The following UNC80 variants were observed in gnomAD, a reference collection of about 807,000 sequenced individuals.
UNC80 encodes protein unc-80 homolog.
Under a neutral mutation model 384.6 loss-of-function variants are expected in UNC80, and 164 were observed. The observed-to-expected ratio is 0.43, with a 90% CI of 0.38 to 0.49. The LOEUF (loss-of-function observed/expected upper bound fraction) is 0.49. Ranked by LOEUF, UNC80 falls within the 20% of genes least tolerant of loss-of-function variation. The pLI is 0.00. For synonymous variants in UNC80, 1,486 were observed against 1,527.8 expected, an observed-to-expected ratio of 0.97 and a Z score of 0.64; for missense variants, 3,330 against 4,143.0, an observed-to-expected ratio of 0.80 and a Z score of 5.39.
intron 42 of UNC80, among the ~76,000 whole-genome samples, chr2:209,939,115 T>G (rs1186890342): frequency 6.6e-6 from 1 of 152,176 alleles, no homozygotes; most frequent in Non-Finnish European, 1.5e-5. Flanking sequence ...TGGAACTGAC[T>G]GACTCACTGA....
At chr2:209,897,387 T>C (rs1322313638) in intron 28 of UNC80, among the ~76,000 whole-genome samples, 2 of 152,148 alleles carry the variant, frequency 1.3e-5, no homozygotes, top group African/African-American at 4.8e-5. Context: ...ACACCATAGA[T>C]TCATTTTGTC....
intron 13 of UNC80, among the ~76,000 whole-genome samples, chr2:209,824,200 A>G (rs754102418): frequency 6.6e-6 from 1 of 152,130 alleles, no homozygotes; most frequent in Admixed American, 6.6e-5. Flanking sequence ...TAGTCAACCT[A>G]TATACATACA....
chr2:209,936,626 G>GTATA (rs202071435), intron 40 of UNC80, among the ~76,000 whole-genome samples: 7 of 151,710 alleles, frequency 4.6e-5, no homozygotes, highest in Non-Finnish European at 7.4e-5. Context: ...TGGTATGTGT[G>GTATA]TATATATATG....
At chr2:209,816,419 T>A (rs1248336984) in intron 9 of UNC80, among the ~76,000 whole-genome samples, 9 of 152,304 alleles carry the variant, frequency 5.9e-5, no homozygotes, top group Non-Finnish European at 8.8e-5. Flanking sequence ...CATTTAAAGT[T>A]GGCTAACTGA....
intron 31 of UNC80, among the ~76,000 whole-genome samples, chr2:209,916,422 T>C (rs1415278201): frequency 1.3e-5 from 2 of 152,184 alleles, no homozygotes; most frequent in Non-Finnish European, 2.9e-5. Context: ...TACCATTGGA[T>C]CTGAGGATTC....
At chr2:209,923,427 A>G (rs908172305) in intron 35 of UNC80, among the ~76,000 whole-genome samples, 3 of 152,134 alleles carry the variant, frequency 2.0e-5, no homozygotes, top group Non-Finnish European at 2.9e-5. Context: ...AGAATTTTGC[A>G]TTTAGATAAC....
Position 209,842,426 on chromosome 2 carries a change from A to G in UNC80, c.3434A>G (p.Glu1145Gly). The G allele has an allele frequency of 6.5e-7, 1 of 1,550,194 alleles. No individual in the cohort carries two copies. The highest frequency in any genetic ancestry group is 1.4e-5 in the African/African-American group (1 of 73,144). ...SGMENGRDEE[E>G]NFFKRLGCHS... ...ATGGAAAATGGAAGAGATGAAGAGG[A>G]GAATTTCTTCAAGCGTCTTGGTAAA... The change falls in exon 21 of 65, where the codon GAG becomes GGG. Residue 1145 changes from glutamate to glycine, a missense_variant. Glu to Gly is a moderately conservative substitution (Grantham distance 98, BLOSUM62 -2). Transcript: ENST00000673920.
At chr2:209,914,774 T>G (rs2124944149) in intron 31 of UNC80, among the ~76,000 whole-genome samples, 1 of 152,138 alleles carries the variant, frequency 6.6e-6, no homozygotes, top group East Asian at 1.9e-4. Flanking sequence ...TAAGTGCACT[T>G]TGAATTTTTT....
intron 26 of UNC80, among the ~76,000 whole-genome samples, chr2:209,889,108 C>A (rs542124698): frequency 5.2e-4 from 79 of 152,276 alleles, no homozygotes; most frequent in African/African-American, 1.8e-3. Flanking sequence ...AACAAGTTCC[C>A]TAACCATGGA....
intron 61 of UNC80, 107 bp from the exon 62 acceptor site, chr2:209,992,057 TGG>T: frequency 4.3e-5 from 33 of 763,512 alleles, no homozygotes; most frequent in Non-Finnish European, 5.7e-5. Flanking sequence ...TCAAAGATAA[TGG>T]TATCTTTGAA....
In UNC80 at chr2:209,937,733, C is replaced by A. The variant is rs948272622; in HGVS notation, c.6465+103C>A. On this transcript the variant is annotated intron_variant, in intron 42 of 64. Transcript: ENST00000673920. ...TGAGATTTTATGATTCCATTTTGAC[C>A]CTCTCTGGAGACAGTAGTTGGCCCT... is the stretch of plus-strand genomic sequence containing the variant. The A allele has an allele frequency of 1.2e-5, 10 of 864,764 alleles. No individual in the cohort carries two copies. The African/African-American group carries it at 1.7e-4, about 14-fold the overall frequency. The allele number at this position is 864,764 out of a possible 1,614,324, so 53.6% of individuals were successfully genotyped here.
Position 209,829,377 on chromosome 2 carries a change from A to G in UNC80, c.2624A>G (p.Asp875Gly). Residue 875 changes from aspartate to glycine, a missense_variant and splice_region_variant, in exon 15 of 65, where the codon GAC (aspartate) becomes GGC (glycine). Asp to Gly is a moderately conservative substitution (Grantham distance 94). Transcript: ENST00000673920. The part of the protein sequence containing the change: ...LLGFCMEPVT[D>G]NKAGFGNNFT... ...GGATTTTGTATGGAGCCGGTCACTG[A>G]CAGTAAGTAAAGCTGCACCCAAGTT... 6.4e-7 allele frequency: 1 copy of G among 1,551,240 alleles called. No homozygotes were observed.
chr2:209,832,689 T>C (rs1319304134), intron 16 of UNC80, among the ~76,000 whole-genome samples: 1 of 152,214 alleles, frequency 6.6e-6, no homozygotes, highest in Non-Finnish European at 1.5e-5. Flanking sequence ...ATGCATACAA[T>C]TTGGTCATAG....
At chr2:209,832,744 T>C (rs1281560232) in intron 16 of UNC80, among the ~76,000 whole-genome samples, 1 of 152,244 alleles carries the variant, frequency 6.6e-6, no homozygotes, top group Non-Finnish European at 1.5e-5. Context: ...CGACTGCTTA[T>C]ACATCTTTTT....
chr2:209,784,079 G>A (rs1157202219), intron 4 of UNC80, among the ~76,000 whole-genome samples: 1 of 152,066 alleles, frequency 6.6e-6, no homozygotes, highest in African/African-American at 2.4e-5. Flanking sequence ...TTTCTTAATC[G>A]TGAAGCCAAA....
chr2:209,931,796 A>T (rs1368383534), intron 38 of UNC80, among the ~76,000 whole-genome samples: 1 of 152,180 alleles, frequency 6.6e-6, no homozygotes, highest in Non-Finnish European at 1.5e-5. Context: ...CTTTCTTCCG[A>T]GTGCCTACTT....
At position 209,933,916 on chromosome 2, in the gene UNC80, A is replaced by T; in HGVS notation, c.6089A>T (p.Tyr2030Phe). 1 of 1,551,240 alleles carries T rather than the reference A, an allele frequency of 6.4e-7. No homozygotes were observed. The highest frequency in any genetic ancestry group is 8.7e-7 in the Non-Finnish European group (1 of 1,146,852). The change falls in exon 39 of 65, where the codon TAC becomes TTC. Residue 2030 changes from tyrosine (Y) to phenylalanine (F), a missense_variant. By Grantham distance (22) the Tyr-to-Phe change is conservative. This residue lies in a region of UNC80 where 1,049 missense variants were observed against 1,488.6 expected (regional missense o/e 0.70). Transcript: ENST00000673920. ...ACATTCCTGTGGGAGGTGGTGGGTT[A>T]CGTGGAGGGCCTCTTCTTCAAGGAT... Reference protein sequence around the residue: ...TLTFLWEVVGYVEGLFFKDLK... With the variant: ...TLTFLWEVVGFVEGLFFKDLK...
At chr2:209,959,205 A>T (rs973067599) in intron 50 of UNC80, 51 bp downstream of exon 50, 4 of 1,534,150 alleles carry the variant, frequency 2.6e-6, no homozygotes, top group Middle Eastern at 1.7e-4. Flanking sequence ...TCTTGAGATG[A>T]TTGCCTTTTA....
intron 64 of UNC80, 150 bp downstream of exon 64, chr2:209,994,414 G>C: frequency 1.5e-6 from 1 of 687,422 alleles, no homozygotes; most frequent in Non-Finnish European, 2.3e-6. Context: ...TCATGAAAGA[G>C]AAAAATCTAT....
Sources: gnomAD v4.1 joint callset for allele counts (sites outside exome capture counted in the v4.1 genomes callset) on GRCh38, gnomAD v4.1.1 for gene constraint, gnomAD v4.1.1 regional missense constraint, MANE v1.5 for transcripts, NCBI Gene and HGNC (gene_info 2026-07-23, HGNC 2026-07-21) for gene names.